Variants in GRID1 observed in about 807,000 individuals in gnomAD.
GRID1 encodes the protein glutamate receptor ionotropic, delta-1.
A neutral mutation model predicts 98.0 loss-of-function variants in GRID1; 28 were observed. The observed-to-expected ratio is 0.29, with a 90% CI of 0.21 to 0.39. The LOEUF (loss-of-function observed/expected upper bound fraction) is 0.39. Ranked by LOEUF, GRID1 falls within the 10% of genes least tolerant of loss-of-function variation. The pLI is 1.00. For synonymous variants in GRID1, 553 were observed against 538.5 expected (o/e 1.03, Z -0.37); for missense variants, 1,111 against 1,340.5 (o/e 0.83, Z 2.67).
intron 4 of GRID1, among the ~76,000 whole-genome samples, chr10:86,122,573 T>A (rs1844692366): frequency 6.6e-6 from 1 of 152,258 alleles, no homozygotes; most frequent in Non-Finnish European, 1.5e-5. Flanking sequence ...GGTGCCTGGA[T>A]AACTTATACA....
intron 4 of GRID1, among the ~76,000 whole-genome samples, chr10:86,010,283 C>T (rs2131880581): frequency 6.6e-6 from 1 of 152,332 alleles, no homozygotes; most frequent in East Asian, 1.9e-4. Context: ...CTACTTCATA[C>T]TAGACAGTGT....
intron 12 of GRID1, among the ~76,000 whole-genome samples, chr10:85,715,898 G>C (rs941183890): frequency 1.5e-5 from 2 of 137,740 alleles, no homozygotes; most frequent in African/African-American, 5.6e-5. Flanking sequence ...GCAAGATATA[G>C]AACTAACCTT....
At chr10:86,006,184 A>G (rs557958692) in intron 4 of GRID1, among the ~76,000 whole-genome samples, 2 of 152,388 alleles carry the variant, frequency 1.3e-5, no homozygotes, top group South Asian at 4.1e-4. Flanking sequence ...CTAGATGTCC[A>G]AAGTGGCAGG....
chr10:86,067,778 T>C (rs188876730), intron 4 of GRID1, among the ~76,000 whole-genome samples: 30 of 152,308 alleles, frequency 2.0e-4, no homozygotes, highest in Admixed American at 1.8e-3. Context: ...TCCAGCCCTT[T>C]AGCCTCAAGC....
chr10:86,001,809 A>G (rs1015811431), intron 4 of GRID1, among the ~76,000 whole-genome samples: 1 of 150,628 alleles, frequency 6.6e-6, no homozygotes, highest in African/African-American at 2.5e-5. Flanking sequence ...TGGATGCCTG[A>G]AAAAAAAGAA....
chr10:85,865,963 AGAGAGAGAGAGAGAGAGAG>A (rs1564613339), intron 6 of GRID1, among the ~76,000 whole-genome samples: 166 of 6,438 alleles, frequency 0.026, no homozygotes, highest in African/African-American at 0.057. Flanking sequence ...ATGGAGAGAG[AGAGAGAGAGAGAGAGAGAG>A]AGAGAGAGAG....
At chr10:85,825,523 G>A (rs1842811531) in intron 8 of GRID1, among the ~76,000 whole-genome samples, 1 of 152,184 alleles carries the variant, frequency 6.6e-6, no homozygotes, top group African/African-American at 2.4e-5. Context: ...CTGTGCAGAA[G>A]CATTTGAATT....
At chr10:85,854,317 C>T (rs1159276288) in intron 8 of GRID1, among the ~76,000 whole-genome samples, 179 bp downstream of exon 8, 3 of 152,190 alleles carry the variant, frequency 2.0e-5, no homozygotes, top group Non-Finnish European at 4.4e-5. Flanking sequence ...AACCTCTCTG[C>T]ACCTACTCCC....
At chr10:86,030,478 T>G (rs1165275178) in intron 4 of GRID1, among the ~76,000 whole-genome samples, 2 of 152,220 alleles carry the variant, frequency 1.3e-5, no homozygotes, top group African/African-American at 2.4e-5. Flanking sequence ...TTACTACCCA[T>G]CAGAATGGTT....
chr10:86,003,953 C>G (rs756535033), intron 4 of GRID1, among the ~76,000 whole-genome samples: 4 of 152,230 alleles, frequency 2.6e-5, no homozygotes, highest in East Asian at 1.9e-4. Context: ...CACTACAGCA[C>G]TGCCCATTTC....
intron 12 of GRID1, among the ~76,000 whole-genome samples, chr10:85,660,242 G>T (rs1590178831): frequency 6.6e-6 from 1 of 152,334 alleles, no homozygotes; most frequent in East Asian, 1.9e-4. Flanking sequence ...CAGGATACTG[G>T]CAGGATAGAG....
chr10:85,711,172 C>A (rs1463342253), intron 12 of GRID1, among the ~76,000 whole-genome samples: 1 of 152,132 alleles, frequency 6.6e-6, no homozygotes, highest in Non-Finnish European at 1.5e-5. Context: ...GGTATTTGTA[C>A]ACCCATGTTT....
rs574189043 is a variant in GRID1, at chr10:86,334,087, C to G, written c.235+29854G>C. Among the ~76,000 whole-genome samples, 10 of 152,096 alleles carry G rather than the reference C, an allele frequency of 6.6e-5. No individual in the cohort carries two copies. The South Asian group carries it at 2.1e-3, about 32-fold the overall frequency. On this transcript the variant is annotated intron_variant, in intron 2 of 15. Transcript: ENST00000327946. Reference sequence around the variant, plus strand: ...CCTCCTACATCACTCATGGCAAAGGCTGCCTCCCCACACCTGGCCCCCTAG... The same window carrying G: ...CCTCCTACATCACTCATGGCAAAGGGTGCCTCCCCACACCTGGCCCCCTAG...
At chr10:86,048,056 C>T (rs765919782) in intron 4 of GRID1, among the ~76,000 whole-genome samples, 25 of 152,274 alleles carry the variant, frequency 1.6e-4, no homozygotes, top group South Asian at 4.2e-4. Flanking sequence ...ACCTCAAGTT[C>T]ACCATCCTTG....
intron 2 of GRID1, among the ~76,000 whole-genome samples, chr10:86,263,949 A>G (rs1209002276): frequency 6.6e-6 from 1 of 152,204 alleles, no homozygotes; most frequent in African/African-American, 2.4e-5. Flanking sequence ...AGGAGCAAAC[A>G]GAAAGCCAGA....
At chr10:85,643,802 C>T (rs4372384) in intron 13 of GRID1, among the ~76,000 whole-genome samples, 87,813 of 151,876 alleles carry the variant, frequency 0.58, 27,412 homozygotes, top group African/African-American at 0.83. Flanking sequence ...AATGAAGGTA[C>T]CATAAAACTA....
chr10:86,212,565 C>G (rs957135340), intron 2 of GRID1, among the ~76,000 whole-genome samples: 4 of 152,214 alleles, frequency 2.6e-5, no homozygotes, highest in African/African-American at 9.6e-5. Context: ...AATGGTCTCT[C>G]CCCAAGGGAG....
chr10:85,971,920 T>C (rs749849670), intron 4 of GRID1, among the ~76,000 whole-genome samples: 6 of 152,140 alleles, frequency 3.9e-5, no homozygotes, highest in Non-Finnish European at 7.4e-5. Context: ...TTATTCATCA[T>C]AGCCAAAAAT....
intron 2 of GRID1, among the ~76,000 whole-genome samples, chr10:86,348,758 G>A (rs1016404088): frequency 3.9e-5 from 6 of 152,228 alleles, no homozygotes; most frequent in African/African-American, 7.2e-5. Flanking sequence ...AGGAGCTCCC[G>A]GAAGCATTCA....
Sources: gnomAD v4.1 joint callset for allele counts (sites outside exome capture counted in the v4.1 genomes callset) on GRCh38, gnomAD v4.1.1 for gene constraint, MANE v1.5 for transcripts, NCBI Gene and HGNC (gene_info 2026-07-23, HGNC 2026-07-21) for gene names.